Variants in CYB5B observed in about 807,000 individuals in gnomAD.
CYB5B encodes the protein cytochrome b5 type B.
CYB5B carries 14 observed loss-of-function variants against 21.3 expected under a neutral mutation model. The observed-to-expected ratio is 0.66, with a 90% confidence interval of 0.43 to 1.03. CYB5B has a LOEUF of 1.03. Among genes scored for constraint, CYB5B ranks in the 50% least tolerant of loss-of-function variants. The pLI is 0.00. For synonymous variants in CYB5B, 69 were observed against 68.4 expected (o/e 1.01, Z -0.04); for missense variants, 166 against 185.1 (o/e 0.90, Z 0.60).
At chr16:69,457,844 A>C (rs184131142) in intron 3 of CYB5B, among the ~76,000 whole-genome samples, 5 of 152,294 alleles carry the variant, frequency 3.3e-5, no homozygotes, top group African/African-American at 1.2e-4. Context: ...TGGATATATG[A>C]AATTAAAACT....
chr16:69,432,804 C>CT (rs1208253665), intron 1 of CYB5B, among the ~76,000 whole-genome samples: 64 of 148,476 alleles, frequency 4.3e-4, no homozygotes, highest in South Asian at 1.1e-3. Flanking sequence ...GCCTGTACTC[C>CT]TTTTTTTTTT....
At position 69,424,703 on chromosome 16, in the gene CYB5B, C is replaced by T. The variant is rs1278706727; in HGVS notation, c.20C>T (p.Thr7Ile). Reference protein sequence around the residue: MSGSMATAEASGSDGKG... With the variant: MSGSMAIAEASGSDGKG... ...GGCAGTATGTCCGGTTCAATGGCGA[C>T]TGCGGAAGCTAGCGGCAGCGATGGG... The change falls in exon 1 of 5, where the codon ACT becomes ATT. Residue 7 changes from threonine to isoleucine, a missense_variant. By Grantham distance (89) the Thr-to-Ile change is moderately conservative. Coordinates refer to ENST00000307892, the MANE Select transcript of CYB5B (RefSeq NM_030579.3). 3.1e-6 allele frequency: 5 copies of T among 1,590,156 alleles called. No individual in the cohort carries two copies. The South Asian group carries it at 5.7e-5, about 18-fold the overall frequency.
intron 3 of CYB5B, among the ~76,000 whole-genome samples, chr16:69,457,434 A>C (rs916305189): frequency 1.1e-4 from 17 of 152,162 alleles, no homozygotes; most frequent in Non-Finnish European, 7.4e-5. Flanking sequence ...TTTGTCTATA[A>C]ATCATTGGTA....
chr16:69,441,751 C>T (rs1432361113), intron 1 of CYB5B, among the ~76,000 whole-genome samples: 1 of 152,104 alleles, frequency 6.6e-6, no homozygotes, highest in African/African-American at 2.4e-5. Context: ...TATAGAAACT[C>T]ATTTTTTTTC....
At position 69,424,692 on chromosome 16, in the gene CYB5B, T is replaced by A. The variant is rs776250466; in HGVS notation, c.9T>A (p.Gly3=). The A allele has an allele frequency of 1.9e-6, 3 of 1,582,564 alleles. No individual in the cohort carries two copies. The highest frequency in any genetic ancestry group is 1.7e-6 in the Non-Finnish European group (2 of 1,163,782). The change falls in exon 1 of 5, where the codon GGT becomes GGA. Residue 3 remains glycine, a synonymous_variant. Transcript: ENST00000307892. ...AGCGGTGGAGAGGCAGTATGTCCGG[T>A]TCAATGGCGACTGCGGAAGCTAGCG... is the stretch of plus-strand genomic sequence containing the variant. MS[G]SMATAEASGS...
chr16:69,458,055 A>T (rs544246642), intron 3 of CYB5B, among the ~76,000 whole-genome samples: 1 of 152,330 alleles, frequency 6.6e-6, no homozygotes, highest in South Asian at 2.1e-4. Context: ...GTAAGTTAGC[A>T]GGCCTTTTGT....
intron 1 of CYB5B, among the ~76,000 whole-genome samples, chr16:69,427,857 G>A (rs1162863450): frequency 2.0e-5 from 3 of 152,094 alleles, no homozygotes; most frequent in South Asian, 2.1e-4. Context: ...TTAGCTGGGC[G>A]TGGTGGCACA....
rs1247607346 is a variant in CYB5B, at chr16:69,464,558, T to C, written c.*2038T>C. On this transcript the variant is annotated 3_prime_UTR_variant, in exon 5 of 5. Transcript: ENST00000307892. ...TATTGAGGAGCTTGAAAGGGAACATTCAAACTAAAGCCAAGCCTGAAGATA... is the reference window on the plus strand; with the variant it reads ...TATTGAGGAGCTTGAAAGGGAACATCCAAACTAAAGCCAAGCCTGAAGATA... 6.6e-6 allele frequency: 1 copy of C among 152,210 alleles called. No individual in the cohort carries two copies. Among genetic ancestry groups the C allele is most frequent in the East Asian group, 1.9e-4 (1 of 5,196 alleles). 9.4% of individuals were successfully genotyped at this position (152,210 alleles called of 1,614,324 possible). A position where few individuals can be genotyped will look rare whatever the true frequency, so the allele number is the denominator to read the frequency against.
At chr16:69,458,087 A>G (rs1597287394) in intron 3 of CYB5B, among the ~76,000 whole-genome samples, 1 of 152,232 alleles carries the variant, frequency 6.6e-6, no homozygotes, top group African/African-American at 2.4e-5. Context: ...GGTTAATGGA[A>G]TCAATAACTC....
intron 1 of CYB5B, among the ~76,000 whole-genome samples, chr16:69,428,302 C>T (rs1017327050): frequency 3.9e-5 from 6 of 151,984 alleles, no homozygotes; most frequent in African/African-American, 1.2e-4. Flanking sequence ...AGGAGGCAGA[C>T]GATAAGCAGA....
chr16:69,431,757 G>A (rs537151087), intron 1 of CYB5B, among the ~76,000 whole-genome samples: 2 of 152,284 alleles, frequency 1.3e-5, no homozygotes, highest in African/African-American at 4.8e-5. Context: ...GGGTGACAGC[G>A]AGACCCTGTC....
At chr16:69,440,213 AAATATTG>A (rs2014806217) in intron 1 of CYB5B, among the ~76,000 whole-genome samples, 1 of 152,064 alleles carries the variant, frequency 6.6e-6, no homozygotes, top group South Asian at 2.1e-4. Context: ...CAATTGTTTT[AAATATTG>A]AATATTGAAT....
intron 3 of CYB5B, among the ~76,000 whole-genome samples, chr16:69,454,001 G>C (rs2014959752): frequency 6.6e-6 from 1 of 152,152 alleles, no homozygotes; most frequent in South Asian, 2.1e-4. Context: ...GTCTTCTATT[G>C]GTAAAGCTCT....
At chr16:69,441,640 G>C (rs28636635) in intron 1 of CYB5B, among the ~76,000 whole-genome samples, 26,364 of 152,104 alleles carry the variant, frequency 0.17, 2,404 homozygotes, top group Middle Eastern at 0.25. Context: ...CCCTCACCTA[G>C]ATGTCTGCCA....
chr16:69,427,761 G>A (rs984160383), intron 1 of CYB5B, among the ~76,000 whole-genome samples: 10 of 151,910 alleles, frequency 6.6e-5, no homozygotes, highest in African/African-American at 1.2e-4. Flanking sequence ...TTTGCGAGGC[G>A]AAGGTGGGCA....
chr16:69,457,891 T>A (rs1658416153), intron 3 of CYB5B, among the ~76,000 whole-genome samples: 1 of 152,158 alleles, frequency 6.6e-6, no homozygotes, highest in Admixed American at 6.5e-5. Context: ...TTGGGGCCAA[T>A]GTGATTGGTT....
chr16:69,447,300 A>T (rs1373514709), intron 2 of CYB5B, 22 bp downstream of exon 2: 1 of 1,610,814 alleles, frequency 6.2e-7, no homozygotes, highest in Admixed American at 1.7e-5. Flanking sequence ...CAGAGATGGG[A>T]GCCCTTATGC....
chr16:69,454,956 C>T (rs1203823771), intron 3 of CYB5B, among the ~76,000 whole-genome samples: 4 of 151,882 alleles, frequency 2.6e-5, no homozygotes, highest in African/African-American at 9.7e-5. Flanking sequence ...TGCAGTGGCA[C>T]GATCTTGGTT....
chr16:69,440,657 C>T (rs1482568705), intron 1 of CYB5B, among the ~76,000 whole-genome samples: 1 of 151,826 alleles, frequency 6.6e-6, no homozygotes, highest in Admixed American at 6.6e-5. Context: ...ATGATTATAT[C>T]TCATTTTGTA....
Sources: allele counts gnomAD v4.1 joint callset (sites outside exome capture counted in the v4.1 genomes callset), GRCh38; gene constraint gnomAD v4.1.1; transcripts MANE v1.5; gene names NCBI Gene and HGNC (gene_info 2026-07-23, HGNC 2026-07-21).